MED13: variants seen among roughly 807,000 people sequenced by gnomAD.
MED13 encodes mediator of RNA polymerase II transcription subunit 13.
A neutral mutation model predicts 225.2 loss-of-function variants in MED13; 23 were observed. That is an observed-to-expected ratio of 0.10 (90% confidence interval 0.07 to 0.14). The LOEUF is 0.14. Among genes scored for constraint, MED13 ranks in the 10% least tolerant of loss-of-function variants. MED13 has a pLI of 1.00. For synonymous variants in MED13, 942 were observed against 889.2 expected (o/e 1.06, Z -1.06); for missense variants, 2,197 against 2,594.5 (o/e 0.85, Z 3.33).
chr17:61,991,549 G>T (rs943028552), intron 11 of MED13, among the ~76,000 whole-genome samples: 1 of 151,096 alleles, frequency 6.6e-6, no homozygotes, highest in Non-Finnish European at 1.5e-5. Context: ...TCGCTCTGTC[G>T]CCAGGCTGGA....
intron 23 of MED13, among the ~76,000 whole-genome samples, chr17:61,959,198 A>G (rs2143331935): frequency 6.6e-6 from 1 of 152,100 alleles, no homozygotes; most frequent in South Asian, 2.1e-4. Flanking sequence ...TATTTTTAGT[A>G]GAGTCAGGGT....
chr17:62,031,222 C>T, intron 6 of MED13: 3 of 409,110 alleles, frequency 7.3e-6, no homozygotes, highest in Non-Finnish European at 1.3e-5. Context: ...AGGTTGTTCT[C>T]AAATGGTTCA....
intron 9 of MED13, among the ~76,000 whole-genome samples, chr17:61,998,332 G>A (rs1810474693): frequency 1.3e-5 from 2 of 152,146 alleles, no homozygotes; most frequent in African/African-American, 2.4e-5. Context: ...CCATGAACAG[G>A]AAGTGCTGCA....
intron 24 of MED13, 54 bp from the exon 25 acceptor site, chr17:61,955,892 A>T: frequency 7.6e-6 from 11 of 1,450,820 alleles, no homozygotes; most frequent in Non-Finnish European, 1.0e-5. Context: ...TCAAAGTAAC[A>T]GCATTATTAA....
At chr17:62,062,174 C>T (rs1271773133) in intron 2 of MED13, among the ~76,000 whole-genome samples, 3 of 152,102 alleles carry the variant, frequency 2.0e-5, no homozygotes, top group Non-Finnish European at 4.4e-5. Context: ...GTTTATCTGT[C>T]AAAAATCATT....
intron 3 of MED13, chr17:62,036,928 A>AT (rs1173151584): frequency 1.3e-5 from 2 of 152,226 alleles, no homozygotes; most frequent in Non-Finnish European, 2.9e-5. Context: ...CCACTACTGC[A>AT]TATGTGACTA....
chr17:61,993,521 A>G (rs1350825949), intron 10 of MED13, among the ~76,000 whole-genome samples: 1 of 151,892 alleles, frequency 6.6e-6, no homozygotes, highest in East Asian at 1.9e-4. Flanking sequence ...TCTTTCTATT[A>G]TACCTGCAGC....
At chr17:62,015,245 C>T (rs1399450954) in intron 8 of MED13, among the ~76,000 whole-genome samples, 1 of 152,096 alleles carries the variant, frequency 6.6e-6, no homozygotes, top group Non-Finnish European at 1.5e-5. Flanking sequence ...AGAAGATATT[C>T]GTATTTTTTA....
intron 19 of MED13, 130 bp downstream of exon 19, chr17:61,966,331 CA>C: frequency 1.3e-6 from 1 of 744,444 alleles, no homozygotes; most frequent in Non-Finnish European, 2.1e-6. Context: ...TGTTGTAGCA[CA>C]AAAGCAGCCA....
intron 8 of MED13, among the ~76,000 whole-genome samples, chr17:62,012,939 T>C (rs567063500): frequency 9.9e-5 from 15 of 151,988 alleles, no homozygotes; most frequent in African/African-American, 3.4e-4. Flanking sequence ...ACTACAGGCG[T>C]GCACCACCAC....
chr17:62,037,938 A>G (rs2080818916), intron 3 of MED13, among the ~76,000 whole-genome samples: 1 of 132,670 alleles, frequency 7.5e-6, no homozygotes, highest in Non-Finnish European at 1.6e-5. Context: ...CCTGGGCAAC[A>G]GAGTGAGACT....
At chr17:62,048,996 C>G (rs1462130066) in intron 3 of MED13, among the ~76,000 whole-genome samples, 1 of 145,670 alleles carries the variant, frequency 6.9e-6, no homozygotes, top group African/African-American at 2.5e-5. Flanking sequence ...AATTCCAACA[C>G]AGAGGATCTC....
intron 16 of MED13, among the ~76,000 whole-genome samples, chr17:61,973,876 G>C (rs997804351): frequency 6.6e-6 from 1 of 151,852 alleles, no homozygotes; most frequent in African/African-American, 2.4e-5. Context: ...CCAGCTACTC[G>C]GGAGGCTAAG....
chr17:61,997,105 C>T (rs1171364951), intron 9 of MED13, among the ~76,000 whole-genome samples: 2 of 152,156 alleles, frequency 1.3e-5, no homozygotes, highest in Admixed American at 6.6e-5. Context: ...AAGGTATTTG[C>T]AGATCGTACA....
Position 61,955,706 on chromosome 17 carries a change from G to T in MED13, c.5756C>A (p.Pro1919Gln). Residue 1919 changes from proline to glutamine, a missense_variant, in exon 25 of 30, where the codon CCG becomes CAG. Physicochemically the swap from Pro to Gln is moderately conservative, Grantham distance 76. This residue lies in a region of MED13 where 216 missense variants were observed against 388.9 expected (regional missense o/e 0.56). Coordinates refer to ENST00000397786, the MANE Select transcript of MED13 (RefSeq NM_005121.3). Reference sequence around the variant, plus strand: ...TGGCATAATAACAAAAGAGCCTTGCGGCTCCATTGCCACCAAGCAAGCACT... The same window carrying T: ...TGGCATAATAACAAAAGAGCCTTGCTGCTCCATTGCCACCAAGCAAGCACT... The part of the protein sequence containing the change: ...ILSACLVAME[P>Q]QGSFVIMPDS... The T allele has an allele frequency of 6.2e-7, 1 of 1,605,850 alleles. No homozygotes were observed. Among genetic ancestry groups the T allele is most frequent in the South Asian group, 1.1e-5 (1 of 89,060 alleles).
chr17:62,035,945 T>A (rs984472284), intron 3 of MED13, among the ~76,000 whole-genome samples: 1 of 151,190 alleles, frequency 6.6e-6, no homozygotes, highest in African/African-American at 2.4e-5. Flanking sequence ...TAGGGTCAAT[T>A]TTTTTTTTCT....
chr17:61,962,089 C>CAGGA (rs2080005930), intron 21 of MED13, among the ~76,000 whole-genome samples: 1 of 152,060 alleles, frequency 6.6e-6, no homozygotes, highest in Non-Finnish European at 1.5e-5. Flanking sequence ...AGATAGAGAC[C>CAGGA]ATCCTGGCCA....
intron 9 of MED13, among the ~76,000 whole-genome samples, chr17:62,010,118 A>T (rs2080491980): frequency 6.6e-6 from 1 of 151,810 alleles, no homozygotes; most frequent in South Asian, 2.1e-4. Context: ...GCTACTCGGG[A>T]GGCTGAGGCA....
chr17:62,027,222 G>C (rs548437143), intron 8 of MED13, among the ~76,000 whole-genome samples: 1 of 152,144 alleles, frequency 6.6e-6, no homozygotes, highest in Non-Finnish European at 1.5e-5. Flanking sequence ...GCATGGTACT[G>C]GTACTAAAAC....
Sources: allele counts gnomAD v4.1 joint callset (sites outside exome capture counted in the v4.1 genomes callset), GRCh38; gene constraint gnomAD v4.1.1; regional missense constraint gnomAD v4.1.1; transcripts MANE v1.5; gene names NCBI Gene and HGNC (gene_info 2026-07-23, HGNC 2026-07-21).